The following ATF7IP variants were observed in gnomAD, a reference collection of about 807,000 sequenced individuals.
The protein encoded by ATF7IP is activating transcription factor 7-interacting protein 1.
A neutral mutation model predicts 106.4 loss-of-function variants in ATF7IP; 23 were observed. That is an observed-to-expected ratio of 0.22 (90% CI 0.16 to 0.31). The LOEUF (loss-of-function observed/expected upper bound fraction) is 0.31. ATF7IP is among the 10% of genes least tolerant of loss of function. The pLI, the probability that ATF7IP is intolerant of heterozygous loss-of-function variation, is 1.00. For missense variants in ATF7IP, 1,334 were observed against 1,524.3 expected, an observed-to-expected ratio of 0.88 and a Z score of 2.08; for synonymous variants, 542 against 539.0, an observed-to-expected ratio of 1.01 and a Z score of -0.08.
intron 1 of ATF7IP, among the ~76,000 whole-genome samples, chr12:14,374,794 A>G (rs1014921742): frequency 6.6e-6 from 1 of 152,192 alleles, no homozygotes; most frequent in South Asian, 2.1e-4. Flanking sequence ...TGGCACCCAC[A>G]TAGTATGCCT....
At chr12:14,471,324 C>T (rs1944036081) in intron 10 of ATF7IP, among the ~76,000 whole-genome samples, 1 of 152,048 alleles carries the variant, frequency 6.6e-6, no homozygotes, top group Admixed American at 6.5e-5. Context: ...TGTATGTTTA[C>T]TGATTATTGC....
At chr12:14,444,698 G>A (rs1295045758) in intron 5 of ATF7IP, among the ~76,000 whole-genome samples, 1 of 151,992 alleles carries the variant, frequency 6.6e-6, no homozygotes, top group African/African-American at 2.4e-5. Flanking sequence ...CTATAAATCA[G>A]TGTCCACATT....
intron 1 of ATF7IP, among the ~76,000 whole-genome samples, chr12:14,372,074 C>T (rs938960060): frequency 6.6e-6 from 1 of 152,070 alleles, no homozygotes; most frequent in African/African-American, 2.4e-5. Flanking sequence ...TAGAAATTGC[C>T]TATCCTTTAG....
At chr12:14,432,691 A>G (rs1322128963) in intron 2 of ATF7IP, among the ~76,000 whole-genome samples, 1 of 152,158 alleles carries the variant, frequency 6.6e-6, no homozygotes, top group East Asian at 1.9e-4. Context: ...GACTTTTGCT[A>G]TTAGGGCTGT....
At position 14,502,034 on chromosome 12, in the gene ATF7IP, A is replaced by G. The variant is rs1468225425; in HGVS notation, c.*3961A>G. On this transcript the variant is annotated 3_prime_UTR_variant, in exon 15 of 15. Transcript: ENST00000261168. ...ATTTTAGCACAGTAAGGTACTGCAA[A>G]GACCTTCCTTCCAAATGTTCTCCTT... 2 of 152,152 alleles carry G rather than the reference A, an allele frequency of 1.3e-5. No homozygotes were observed. The highest frequency in any genetic ancestry group is 2.9e-5 in the Non-Finnish European group (2 of 68,030). 9.4% of individuals were successfully genotyped at this position (152,152 alleles called of 1,614,324 possible). A position where few individuals can be genotyped will look rare whatever the true frequency, so the allele number is the denominator to read the frequency against.
intron 1 of ATF7IP, chr12:14,394,977 CAT>C (rs1367328132): frequency 6.6e-6 from 1 of 152,082 alleles, no homozygotes; most frequent in African/African-American, 2.4e-5. Context: ...GCTTCATTGA[CAT>C]ATTGTCTGAC....
intron 1 of ATF7IP, among the ~76,000 whole-genome samples, chr12:14,417,856 G>A (rs1204550336): frequency 6.6e-6 from 1 of 152,088 alleles, no homozygotes; most frequent in Non-Finnish European, 1.5e-5. Context: ...TGACCTTATT[G>A]TCTGTCTCCT....
intron 10 of ATF7IP, among the ~76,000 whole-genome samples, chr12:14,474,219 G>C (rs1484436198): frequency 6.6e-6 from 1 of 151,166 alleles, no homozygotes; most frequent in African/African-American, 2.4e-5. Flanking sequence ...AATTTCTATT[G>C]ATCTAGCATC....
intron 11 of ATF7IP, among the ~76,000 whole-genome samples, chr12:14,477,097 C>T (rs1209691601): frequency 6.6e-6 from 1 of 152,128 alleles, no homozygotes; most frequent in African/African-American, 2.4e-5. Context: ...ATCTATAAAA[C>T]TGGTGATTAT....
intron 6 of ATF7IP, among the ~76,000 whole-genome samples, chr12:14,453,102 TTATGAGTTGC>T (rs1048674274): frequency 2.6e-5 from 4 of 152,190 alleles, no homozygotes; most frequent in African/African-American, 7.2e-5. Context: ...TTGTGTGTTG[TTATGAGTTGC>T]TTTTCTCTTA....
chr12:14,409,846 A>C (rs1214031810), intron 1 of ATF7IP, among the ~76,000 whole-genome samples: 1 of 152,108 alleles, frequency 6.6e-6, no homozygotes, highest in African/African-American at 2.4e-5. Context: ...AGTGTGACCC[A>C]GTAAAGGGGT....
chr12:14,395,520 A>G (rs1196006171), intron 1 of ATF7IP, among the ~76,000 whole-genome samples: 4 of 152,304 alleles, frequency 2.6e-5, no homozygotes, highest in Non-Finnish European at 5.9e-5. Flanking sequence ...TTACTCATGC[A>G]TACAATATGT....
chr12:14,466,584 A>G lies in ATF7IP; in HGVS notation c.2856A>G (p.Thr952=). Residue 952 remains threonine, a synonymous_variant, in exon 10 of 15, where the codon ACA becomes ACG. Coordinates refer to ENST00000261168, the MANE Select transcript of ATF7IP (RefSeq NM_018179.5). ...TCAGTAAGAAAGCAGCTGATAGCAC[A>G]TCACAGGTAAGATTTTTCCTTCTTC... The part of the protein sequence containing the change: ...ASVSKKAADS[T]SQCGKATGSD... The G allele has an allele frequency of 1.3e-6, 2 of 1,599,198 alleles. No individual in the cohort carries two copies. Among genetic ancestry groups the G allele is most frequent in the Non-Finnish European group, 1.7e-6 (2 of 1,174,984 alleles).
At chr12:14,369,994 A>G (rs375996898) in intron 1 of ATF7IP, among the ~76,000 whole-genome samples, 1 of 151,322 alleles carries the variant, frequency 6.6e-6, no homozygotes, top group Non-Finnish European at 1.5e-5. Flanking sequence ...CTGGAGTGCA[A>G]TGGCACGATC....
chr12:14,446,982 T>TTTTTC lies in ATF7IP; in HGVS notation c.1930-4_1930-3insTTCTT. 1 of 1,560,250 alleles carries TTTTTC rather than the reference T, an allele frequency of 6.4e-7. No individual in the cohort carries two copies. Among genetic ancestry groups the TTTTTC allele is most frequent in the Non-Finnish European group, 8.6e-7 (1 of 1,160,526 alleles). ...CATTCATTTTTGTCTTTTTTTTTTT[T>TTTTTC]TTCAGGCCAAGATAGCCAGGTTAAC... On this transcript the variant is annotated splice_polypyrimidine_tract_variant and splice_region_variant and intron_variant, in intron 5 of 14. Coordinates refer to ENST00000261168, the MANE Select transcript of ATF7IP (RefSeq NM_018179.5).
At chr12:14,436,290 A>G in intron 4 of ATF7IP, 39 bp downstream of exon 4, 1 of 1,542,532 alleles carries the variant, frequency 6.5e-7, no homozygotes, top group Non-Finnish European at 8.9e-7. Context: ...ATATTGAATA[A>G]ATAGCACCAC....
intron 13 of ATF7IP, among the ~76,000 whole-genome samples, chr12:14,483,113 T>C (rs1944480673): frequency 6.6e-6 from 1 of 152,216 alleles, no homozygotes; most frequent in South Asian, 2.1e-4. Context: ...CTGGCTGGTA[T>C]TGATGACTAC....
At chr12:14,433,526 C>T (rs374228096) in intron 2 of ATF7IP, among the ~76,000 whole-genome samples, 13 of 151,416 alleles carry the variant, frequency 8.6e-5, no homozygotes, top group East Asian at 3.9e-4. Context: ...ACAAATTAGC[C>T]GGATGTAGTG....
rs569728345 is a variant in ATF7IP at position 14,501,603 on chromosome 12, A to G, written c.*3530A>G. On this transcript the variant is annotated 3_prime_UTR_variant, in exon 15 of 15. Transcript: ENST00000261168. Reference sequence around the variant, plus strand: ...TACTGCATACTGTTTAAGGTAGTATATAAGTTTATGAGAGAAGTGGAGAGC... The same window carrying G: ...TACTGCATACTGTTTAAGGTAGTATGTAAGTTTATGAGAGAAGTGGAGAGC... The G allele has an allele frequency of 2.0e-5, 3 of 152,288 alleles. No individual in the cohort carries two copies. Among genetic ancestry groups the G allele is most frequent in the South Asian group, 2.1e-4 (1 of 4,830 alleles). 9.4% of individuals were successfully genotyped at this position (152,288 alleles called of 1,614,324 possible). A position where few individuals can be genotyped will look rare whatever the true frequency, so the allele number is the denominator to read the frequency against.
Sources: allele counts gnomAD v4.1 joint callset (sites outside exome capture counted in the v4.1 genomes callset), GRCh38; gene constraint gnomAD v4.1.1; transcripts MANE v1.5; gene names NCBI Gene and HGNC (gene_info 2026-07-23, HGNC 2026-07-21).